Variants in PGCKA1 observed in about 807,000 individuals in gnomAD.
PGCKA1 encodes PDCD10 and GCKIII kinases associated 1, also known as PDCD10 and GCKIII kinases-associated protein 1.
the PGCKA1 span, among the ~76,000 whole-genome samples, chr4:37,572,182 C>T: frequency 6.7e-6 from 1 of 149,736 alleles, no homozygotes; most frequent in South Asian, 2.1e-4. Flanking sequence ...CCTGCCTCAG[C>T]CTCCCAAGTA....
chr4:37,484,561 C>T, the PGCKA1 span, among the ~76,000 whole-genome samples: 2 of 152,160 alleles, frequency 1.3e-5, no homozygotes, highest in African/African-American at 4.8e-5. Flanking sequence ...CTCCCCTTTG[C>T]CTTCCCTTAT....
chr4:37,523,938 A>C, the PGCKA1 span, among the ~76,000 whole-genome samples: 63 of 152,310 alleles, frequency 4.1e-4, no homozygotes, highest in African/African-American at 1.4e-3. Flanking sequence ...GTCATGACCT[A>C]ATCCTCTCCA....
At chr4:37,477,355 T>C in the PGCKA1 span, among the ~76,000 whole-genome samples, 78,909 of 151,952 alleles carry the variant, frequency 0.52, 20,835 homozygotes, top group Admixed American at 0.58. Flanking sequence ...CATACAGAGA[T>C]GGAAAGTAGA....
the PGCKA1 span, among the ~76,000 whole-genome samples, chr4:37,570,455 G>T: frequency 3.7e-4 from 54 of 145,642 alleles, 1 homozygote; most frequent in East Asian, 0.011. Context: ...AAAAGATTGA[G>T]CTGTCAAAGA....
the PGCKA1 span, among the ~76,000 whole-genome samples, chr4:37,514,953 A>G: frequency 7.2e-5 from 11 of 152,188 alleles, no homozygotes; most frequent in Non-Finnish European, 4.4e-5. Context: ...GAGAAGGTGG[A>G]AGTATGGGCA....
At chr4:37,564,652 G>A in the PGCKA1 span, among the ~76,000 whole-genome samples, 1 of 152,020 alleles carries the variant, frequency 6.6e-6, no homozygotes, top group Non-Finnish European at 1.5e-5. Context: ...GATTACAGGT[G>A]TCTGCCACCA....
At chr4:37,472,809 T>C in the PGCKA1 span, among the ~76,000 whole-genome samples, 1 of 152,218 alleles carries the variant, frequency 6.6e-6, no homozygotes, top group Non-Finnish European at 1.5e-5. Context: ...CCTATTTTTC[T>C]ATCATCTATT....
chr4:37,510,244 CT>C, the PGCKA1 span, among the ~76,000 whole-genome samples: 1 of 151,900 alleles, frequency 6.6e-6, no homozygotes, highest in Non-Finnish European at 1.5e-5. Context: ...GAGGTCATGT[CT>C]TCCTGGATGG....
the PGCKA1 span, among the ~76,000 whole-genome samples, chr4:37,577,260 T>C: frequency 1.3e-5 from 2 of 152,234 alleles, no homozygotes; most frequent in East Asian, 1.9e-4. Context: ...GATCTTGTTA[T>C]TGGTCAGTTC....
chr4:37,552,841 A>G, the PGCKA1 span, among the ~76,000 whole-genome samples: 1 of 152,192 alleles, frequency 6.6e-6, no homozygotes, highest in African/African-American at 2.4e-5. Context: ...TTGTTTGCCT[A>G]TCATGCCATA....
chr4:37,538,025 GTCACCACCA>G, the PGCKA1 span, among the ~76,000 whole-genome samples: 1 of 151,544 alleles, frequency 6.6e-6, no homozygotes, highest in Non-Finnish European at 1.5e-5. Context: ...CACTTCCACT[GTCACCACCA>G]TCACCACCAT....
At chr4:37,491,157 C>T in the PGCKA1 span, among the ~76,000 whole-genome samples, 4 of 152,154 alleles carry the variant, frequency 2.6e-5, no homozygotes, top group Non-Finnish European at 5.9e-5. Flanking sequence ...AACCACTTTC[C>T]ACTCTTTGCC....
At chr4:37,510,732 T>C in the PGCKA1 span, among the ~76,000 whole-genome samples, 61,278 of 151,684 alleles carry the variant, frequency 0.4, 12,972 homozygotes, top group African/African-American at 0.52. Flanking sequence ...GCTCAAGGCC[T>C]TAGGGCTCTA....
the PGCKA1 span, among the ~76,000 whole-genome samples, chr4:37,538,774 A>G: frequency 6.6e-6 from 1 of 152,200 alleles, no homozygotes; most frequent in Non-Finnish European, 1.5e-5. Context: ...CCCATAGGTT[A>G]CTTACTTCAC....
the PGCKA1 span, chr4:37,590,360 G>A: frequency 6.2e-7 from 1 of 1,613,702 alleles, no homozygotes; most frequent in East Asian, 2.2e-5. Flanking sequence ...AACGGCATCG[G>A]CCCTGCTGCC....
the PGCKA1 span, among the ~76,000 whole-genome samples, chr4:37,557,389 A>G: frequency 1.2e-4 from 18 of 152,356 alleles, no homozygotes; most frequent in Admixed American, 8.5e-4. Flanking sequence ...AGACTGCTAT[A>G]AGAAAATACC....
At chr4:37,456,771 C>G in the PGCKA1 span, among the ~76,000 whole-genome samples, 3 of 152,120 alleles carry the variant, frequency 2.0e-5, no homozygotes, top group African/African-American at 4.8e-5. Context: ...CAGCAGATCT[C>G]TATTTTAGAG....
At chr4:37,546,114 A>G in the PGCKA1 span, among the ~76,000 whole-genome samples, 1 of 152,232 alleles carries the variant, frequency 6.6e-6, no homozygotes, top group Admixed American at 6.5e-5. Context: ...TGTTGAAATT[A>G]TACTTTGTAC....
chr4:37,457,159 T>C, the PGCKA1 span, among the ~76,000 whole-genome samples: 1 of 152,240 alleles, frequency 6.6e-6, no homozygotes, highest in African/African-American at 2.4e-5. Flanking sequence ...GACTTAAATA[T>C]CTACATCTGA....
Sources: allele counts gnomAD v4.1 joint callset (sites outside exome capture counted in the v4.1 genomes callset), GRCh38; gene constraint gnomAD v4.1.1; transcripts MANE v1.5; gene names NCBI Gene and HGNC (gene_info 2026-07-23, HGNC 2026-07-21).